Variants in EZR observed in about 807,000 individuals in gnomAD.
The protein encoded by EZR is ezrin, also known as cytovillin 2.
Under a neutral mutation model 74.8 loss-of-function variants are expected in EZR, and 40 were observed. That is an observed-to-expected ratio of 0.53 (90% CI 0.42 to 0.70). The LOEUF (loss-of-function observed/expected upper bound fraction) is 0.70. EZR is among the 30% of genes least tolerant of loss of function. The probability of loss-of-function intolerance (pLI) is 0.00; values close to 1 mark genes in which losing one functional copy is unlikely to be tolerated. For missense variants in EZR, 678 were observed against 755.8 expected (o/e 0.90, Z 1.21); for synonymous variants, 341 against 283.3 (o/e 1.20, Z -2.05).
chr6:158,791,839 G>C (rs1791757144), intron 2 of EZR, among the ~76,000 whole-genome samples: 2 of 149,640 alleles, frequency 1.3e-5, no homozygotes, highest in Non-Finnish European at 3.0e-5. Flanking sequence ...CTCCCGAGTA[G>C]CTGGGACTAC....
At chr6:158,818,239 G>GC (rs1451707434) in intron 1 of EZR, 73 bp from the exon 2 acceptor site, 1 of 786,042 alleles carries the variant, frequency 1.3e-6, no homozygotes, top group Non-Finnish European at 1.9e-6. Context: ...GACACTCGGC[G>GC]CCCGCAGCGC....
chr6:158,779,119 G>A (rs1583563336), intron 7 of EZR, among the ~76,000 whole-genome samples: 1 of 152,140 alleles, frequency 6.6e-6, no homozygotes, highest in East Asian at 1.9e-4. Context: ...CACCACCTAA[G>A]ATAAGATATA....
chr6:158,791,776 T>C (rs770398917), intron 2 of EZR, among the ~76,000 whole-genome samples: 2 of 140,978 alleles, frequency 1.4e-5, no homozygotes, highest in East Asian at 4.1e-4. Flanking sequence ...TGGTGTGATC[T>C]TGGCTCACTG....
In EZR at chr6:158,767,532, AAG is replaced by A; in HGVS notation, c.1345-22_1345-21del. 6.4e-7 allele frequency: 1 copy of A among 1,554,250 alleles called. No individual in the cohort carries two copies. Among genetic ancestry groups the A allele is most frequent in the East Asian group, 2.3e-5 (1 of 44,360 alleles). On this transcript the variant is annotated intron_variant, in intron 12 of 13. Transcript: ENST00000367075. The stretch of plus-strand genomic sequence containing the variant: ...TTTGGCCTTTGGAAAGCAAATTAAT[AAG>A]AGGACTTCTCACCCAGAAGTCCTAT...
intron 7 of EZR, among the ~76,000 whole-genome samples, chr6:158,778,188 C>T (rs928344222): frequency 4.6e-5 from 7 of 152,194 alleles, no homozygotes; most frequent in Non-Finnish European, 8.8e-5. Flanking sequence ...CCGGAGGCTC[C>T]GCCCACAGCA....
At chr6:158,771,142 C>T (rs546125922) in intron 9 of EZR, 102 bp downstream of exon 9, 2 of 1,490,602 alleles carry the variant, frequency 1.3e-6, no homozygotes, top group Non-Finnish European at 1.8e-6. Context: ...TCCATTCCAC[C>T]ACACTCTCCC....
At chr6:158,816,685 G>A (rs1270221105) in intron 2 of EZR, among the ~76,000 whole-genome samples, 1 of 151,484 alleles carries the variant, frequency 6.6e-6, no homozygotes, top group Non-Finnish European at 1.5e-5. Context: ...ATGTAACTTA[G>A]GCAAAAATTA....
At chr6:158,816,200 G>A (rs1262194020) in intron 2 of EZR, among the ~76,000 whole-genome samples, 1 of 152,166 alleles carries the variant, frequency 6.6e-6, no homozygotes, top group Non-Finnish European at 1.5e-5. Context: ...AGTTTAATAG[G>A]TACAGAGTTT....
chr6:158,785,528 T>C lies in EZR; in HGVS notation c.248A>G (p.Lys83Arg), dbSNP rs1204605833. 1 of 1,614,156 alleles carries C rather than the reference T, an allele frequency of 6.2e-7. No individual in the cohort carries two copies. Among genetic ancestry groups the C allele is most frequent in the Admixed American group, 1.7e-5 (1 of 60,010 alleles). Residue 83 changes from lysine to arginine, a missense_variant, in exon 5 of 14, where the codon AAG (lysine) becomes AGG (arginine). Lys to Arg is a conservative substitution (Grantham distance 26, BLOSUM62 2). Transcript: ENST00000367075. ...CTCAGCCACATCTTCAGGGTAGAACTTGGCCCGGAACTTGAACTGGAGGGG... is the reference window on the plus strand; with the variant it reads ...CTCAGCCACATCTTCAGGGTAGAACCTGGCCCGGAACTTGAACTGGAGGGG... ...ENPLQFKFRA[K>R]FYPEDVAEEL...
chr6:158,792,028 T>TTCTTA (rs1791762572), intron 2 of EZR, among the ~76,000 whole-genome samples: 1 of 151,782 alleles, frequency 6.6e-6, no homozygotes, highest in African/African-American at 2.4e-5. Flanking sequence ...ATTCTAAACC[T>TTCTTA]GAGTCTCTTC....
chr6:158,807,779 G>C (rs1432227259), intron 2 of EZR, among the ~76,000 whole-genome samples: 1 of 152,144 alleles, frequency 6.6e-6, no homozygotes, highest in Non-Finnish European at 1.5e-5. Context: ...CTTGAAAGCA[G>C]GTCTTTCTTT....
chr6:158,795,728 C>T (rs1056757596), intron 2 of EZR, among the ~76,000 whole-genome samples: 3 of 152,220 alleles, frequency 2.0e-5, no homozygotes, highest in Non-Finnish European at 2.9e-5. Context: ...GTGCTTCCCA[C>T]ATCAGCCTCA....
intron 6 of EZR, 79 bp from the exon 7 acceptor site, chr6:158,783,745 A>C: frequency 6.8e-7 from 1 of 1,478,444 alleles, no homozygotes; most frequent in Non-Finnish European, 9.2e-7. Context: ...CAGTATTTTT[A>C]AATTAAGGCG....
intron 2 of EZR, among the ~76,000 whole-genome samples, chr6:158,798,622 C>CTTT (rs147757313): frequency 1.6e-4 from 20 of 122,188 alleles, no homozygotes; most frequent in South Asian, 7.7e-4. Flanking sequence ...TGCTGCTCCG[C>CTTT]TTTTTTTTTT....
intron 1 of EZR, among the ~76,000 whole-genome samples, chr6:158,818,619 G>T (rs1220952847): frequency 6.7e-6 from 1 of 149,818 alleles, no homozygotes; most frequent in African/African-American, 2.5e-5. Flanking sequence ...GCCGGGCGGG[G>T]AGGGGTCTGG....
intron 7 of EZR, among the ~76,000 whole-genome samples, chr6:158,778,154 AAC>A (rs1791332141): frequency 1.3e-5 from 2 of 152,208 alleles, no homozygotes; most frequent in Non-Finnish European, 2.9e-5. Flanking sequence ...TGCTGGCACC[AAC>A]AGAGAAGCTA....
chr6:158,766,920 G>A lies in EZR; in HGVS notation c.1755C>T (p.Ala585=). 1 of 1,613,988 alleles carries A rather than the reference G, an allele frequency of 6.2e-7. No individual in the cohort carries two copies. Among genetic ancestry groups the A allele is most frequent in the Non-Finnish European group, 8.5e-7 (1 of 1,179,956 alleles). ...NTKQRIDEFE[A]L ...CTTGGTCCTGGCCTGGCTGTTACAGGGCCTCGAACTCGTCGATGCGCTGCT... is the reference window on the plus strand; with the variant it reads ...CTTGGTCCTGGCCTGGCTGTTACAGAGCCTCGAACTCGTCGATGCGCTGCT... Residue 585 remains alanine (A), a synonymous_variant, in exon 14 of 14, where the codon GCC becomes GCT. Transcript: ENST00000367075.
intron 2 of EZR, among the ~76,000 whole-genome samples, chr6:158,808,810 A>C (rs1225498956): frequency 3.3e-5 from 5 of 152,220 alleles, no homozygotes; most frequent in Admixed American, 3.3e-4. Context: ...AGTTTGCTAT[A>C]AAATAATAAT....
intron 7 of EZR, among the ~76,000 whole-genome samples, chr6:158,779,447 T>C (rs1268978729): frequency 1.3e-5 from 2 of 152,206 alleles, no homozygotes; most frequent in Non-Finnish European, 2.9e-5. Context: ...AATGTTAATT[T>C]TCTTATCTTG....
Sources: allele counts gnomAD v4.1 joint callset (sites outside exome capture counted in the v4.1 genomes callset), GRCh38; gene constraint gnomAD v4.1.1; transcripts MANE v1.5; gene names NCBI Gene and HGNC (gene_info 2026-07-23, HGNC 2026-07-21).